GPR157: variants seen among roughly 807,000 people sequenced by gnomAD.
GPR157 encodes G protein-coupled receptor 157.
A neutral mutation model predicts 23.5 loss-of-function variants in GPR157; 16 were observed. The ratio of observed to expected loss-of-function variants is 0.68; its 90% CI spans 0.46 to 1.04. The LOEUF (loss-of-function observed/expected upper bound fraction) is 1.04. Ranked by LOEUF, GPR157 falls within the 50% of genes least tolerant of loss-of-function variation. The pLI is 0.00. For synonymous variants in GPR157, 200 were observed against 221.5 expected (o/e 0.90, Z 0.86); for missense variants, 440 against 460.7 (o/e 0.96, Z 0.41).
In GPR157 at chr1:9,105,446, T is replaced by G; in HGVS notation, c.792+40A>C. 6.7e-7 allele frequency: 1 copy of G among 1,494,072 alleles called. No individual in the cohort carries two copies. The highest frequency in any genetic ancestry group is 9.0e-7 in the Non-Finnish European group (1 of 1,109,854). The allele number at this position is 1,494,072 out of a possible 1,614,324, so 92.6% of individuals were successfully genotyped here. On this transcript the variant is annotated intron_variant, in intron 3 of 3. Transcript: ENST00000377411. This position sits in a 1 kb window ranked among gnomAD's most constrained non-coding sequence, Gnocchi z 4.8. ...GGAAGGAATCAGGCTGTGCCTCCTC[T>G]GGGGGCAGGGACGACAAGGGCCAGG...
At chr1:9,107,426 C>T (rs754114834) in intron 2 of GPR157, among the ~76,000 whole-genome samples, 3 of 151,904 alleles carry the variant, frequency 2.0e-5, no homozygotes, top group Non-Finnish European at 2.9e-5. Context: ...ATCGCTTGAG[C>T]CCAGAAATTT....
intron 1 of GPR157, among the ~76,000 whole-genome samples, chr1:9,119,281 C>T (rs1366989050): frequency 1.3e-5 from 2 of 152,100 alleles, no homozygotes; most frequent in Non-Finnish European, 2.9e-5. Flanking sequence ...GATCCGCCCA[C>T]CTCGGCCTCC....
intron 2 of GPR157, among the ~76,000 whole-genome samples, chr1:9,108,348 C>T (rs141731367): frequency 1.0e-3 from 159 of 152,356 alleles, no homozygotes; most frequent in African/African-American, 3.2e-3. Flanking sequence ...CTGCCCACTT[C>T]GATCCCGTTT....
intron 3 of GPR157, among the ~76,000 whole-genome samples, chr1:9,104,936 G>A (rs1029203940): frequency 6.6e-6 from 1 of 151,232 alleles, no homozygotes; most frequent in African/African-American, 2.4e-5. Context: ...GGAGGCGGAA[G>A]TTGCAGTGAG....
rs768439052 is a variant in GPR157, at chr1:9,123,174, A to AATAT, written c.383+5467_383+5470dup. Among the ~76,000 whole-genome samples, 16 of 117,086 alleles carry AATAT rather than the reference A, an allele frequency of 1.4e-4. No homozygotes were observed. The South Asian group carries it at 1.7e-3, about 13-fold the overall frequency. The allele number at this position is 117,086 out of a possible 152,430, so 76.8% of individuals were successfully genotyped here. On this transcript the variant is annotated intron_variant, in intron 1 of 3. Transcript: ENST00000377411. ...ACTGTCTTGGGTGGGAAAAAAAAAA[A>AATAT]ATATATATATATATATATAAATAAA...
chr1:9,106,116 A>G lies in GPR157; in HGVS notation c.598-436T>C, dbSNP rs541657227. On this transcript the variant is annotated intron_variant, in intron 2 of 3. Coordinates refer to ENST00000377411, the MANE Select transcript of GPR157 (RefSeq NM_024980.5). ...GGGTCTCCCTATGTTGCCCAGGCTG[A>G]TCTCAAACTCTTGAACTCAAGCAAT... 2.1e-4 allele frequency among the ~76,000 whole-genome samples: 32 copies of G among 152,108 alleles called. No homozygotes were observed. In the South Asian group the frequency reaches 2.7e-3, roughly 13 times the overall value.
chr1:9,117,687 G>T (rs745849807), intron 1 of GPR157, among the ~76,000 whole-genome samples: 2 of 152,082 alleles, frequency 1.3e-5, no homozygotes, highest in Non-Finnish European at 2.9e-5. Flanking sequence ...ACTTGAACCC[G>T]GGAGGTGGAG....
At chr1:9,113,501 C>T (rs2124515196) in intron 1 of GPR157, among the ~76,000 whole-genome samples, 1 of 152,252 alleles carries the variant, frequency 6.6e-6, no homozygotes, top group South Asian at 2.1e-4. Flanking sequence ...GGGGCCCTGG[C>T]CAACCATCCC....
At position 9,105,675 on chromosome 1, in the gene GPR157, C is replaced by A; in HGVS notation, c.603G>T (p.Thr201=). ...GGATGGGCCGGTACTCAGAGAGTGCCGTGTGCTGTGTGGGGACAGCGAGGG... is the reference window on the plus strand; with the variant it reads ...GGATGGGCCGGTACTCAGAGAGTGCAGTGTGCTGTGTGGGGACAGCGAGGG... ...LVRKHINRAH[T]ALSEYRPILS... is the part of the protein sequence containing the mutation. The change falls in exon 3 of 4, where the codon ACG becomes ACT. Residue 201 remains threonine (T), a synonymous_variant. Transcript: ENST00000377411. The surrounding 1 kb of genome is among the most constrained non-coding windows in gnomAD (Gnocchi z 4.8). The A allele has an allele frequency of 6.2e-7, 1 of 1,606,946 alleles. No homozygotes were observed. The highest frequency in any genetic ancestry group is 8.5e-7 in the Non-Finnish European group (1 of 1,176,308).
intron 1 of GPR157, among the ~76,000 whole-genome samples, chr1:9,126,176 T>C (rs749510774): frequency 1.3e-5 from 2 of 152,192 alleles, no homozygotes; most frequent in Non-Finnish European, 2.9e-5. Flanking sequence ...CAGGCTGGTC[T>C]CAAACTCCTG....
rs745513284 is a variant in GPR157 at position 9,128,780 on chromosome 1, C to T, written c.248G>A (p.Gly83Asp). The T allele has an allele frequency of 6.2e-7, 1 of 1,611,700 alleles. No individual in the cohort carries two copies. Among genetic ancestry groups the T allele is most frequent in the East Asian group, 2.2e-5 (1 of 44,824 alleles). Residue 83 changes from glycine (G) to aspartate (D), a missense_variant, in exon 1 of 4, where the codon GGC becomes GAC. Physicochemically the swap from Gly to Asp is moderately conservative, Grantham distance 94 (BLOSUM62 -1). Coordinates refer to ENST00000377411, the MANE Select transcript of GPR157 (RefSeq NM_024980.5). The surrounding 1 kb of genome is among the most constrained non-coding windows in gnomAD (Gnocchi z 6.3). ...GGTGTTGGCGAAGGTGGACAGCGCG[C>T]CCTGCAGCACGCAGTCCCACGACGG... ...AGPSWDCVLQ[G>D]ALSTFANTSS... is the part of the protein sequence containing the mutation.
rs1642575362 is a variant in GPR157, at chr1:9,102,242, T to G, written c.*2177A>C. The G allele has an allele frequency of 6.6e-6, 1 of 151,912 alleles. No homozygotes were observed. The highest frequency in any genetic ancestry group is 6.6e-5 in the Admixed American group (1 of 15,252). The allele number at this position is 151,912 out of a possible 1,614,324, so 9.4% of individuals were successfully genotyped here. A position where few individuals can be genotyped will look rare whatever the true frequency, so the allele number is the denominator to read the frequency against. ...CTGGCCAACATGGTGAAAACCCGTCTCTACTGAAAATACAAAAAATTAGCC... is the reference window on the plus strand; with the variant it reads ...CTGGCCAACATGGTGAAAACCCGTCGCTACTGAAAATACAAAAAATTAGCC... On this transcript the variant is annotated 3_prime_UTR_variant, in exon 4 of 4. Transcript: ENST00000377411.
In GPR157 at chr1:9,128,402, T is replaced by C; in HGVS notation, c.383+243A>G. Reference sequence around the variant, plus strand: ...AGGGCCCGGCTCTGGGGGCGAACTCTGTCCCCACTACCCCAAGGGGCTGTG... The same window carrying C: ...AGGGCCCGGCTCTGGGGGCGAACTCCGTCCCCACTACCCCAAGGGGCTGTG... On this transcript the variant is annotated intron_variant, in intron 1 of 3. Transcript: ENST00000377411. This position sits in a 1 kb window ranked among gnomAD's most constrained non-coding sequence, Gnocchi z 6.3. 1 of 694,568 alleles carries C rather than the reference T, an allele frequency of 1.4e-6. No individual in the cohort carries two copies. The highest frequency in any genetic ancestry group is 1.5e-5 in the South Asian group (1 of 66,582). The allele number at this position is 694,568 out of a possible 1,614,324, so 43.0% of individuals were successfully genotyped here.
rs1247461009 is a variant in GPR157 at position 9,102,395 on chromosome 1, A to T, written c.*2024T>A. 7.8e-6 allele frequency: 1 copy of T among 127,740 alleles called. No individual in the cohort carries two copies. Among genetic ancestry groups the T allele is most frequent in the Non-Finnish European group, 1.5e-5 (1 of 64,636 alleles). 7.9% of individuals were successfully genotyped at this position (127,740 alleles called of 1,614,324 possible). A position where few individuals can be genotyped will look rare whatever the true frequency, so the allele number is the denominator to read the frequency against. On this transcript the variant is annotated 3_prime_UTR_variant, in exon 4 of 4. Transcript: ENST00000377411. Reference sequence around the variant, plus strand: ...CACTGCACTCCAGCCTGGGCAATAGAGTGAGACTCCATCTCAAAAAAAAAA... The same window carrying T: ...CACTGCACTCCAGCCTGGGCAATAGTGTGAGACTCCATCTCAAAAAAAAAA...
At chr1:9,104,932 G>A (rs996741264) in intron 3 of GPR157, among the ~76,000 whole-genome samples, 102 of 151,198 alleles carry the variant, frequency 6.7e-4, no homozygotes, top group Non-Finnish European at 1.1e-3. Flanking sequence ...CCCAGGAGGC[G>A]GAAGTTGCAG....
At chr1:9,123,315 AT>A (rs1557700784) in intron 1 of GPR157, among the ~76,000 whole-genome samples, 11 of 27,248 alleles carry the variant, frequency 4.0e-4, no homozygotes, top group Non-Finnish European at 6.7e-4. Flanking sequence ...TTAAATATAT[AT>A]TAAAATATAT....
intron 2 of GPR157, 170 bp downstream of exon 2, chr1:9,111,106 G>A (rs1385730421): frequency 1.0e-5 from 7 of 677,962 alleles, no homozygotes; most frequent in African/African-American, 1.8e-5. Context: ...GTAACACAGC[G>A]TGTTGCATGG....
rs774406982 is a variant in GPR157, at chr1:9,105,469, A to G, written c.792+17T>C. The G allele has an allele frequency of 1.3e-6, 2 of 1,536,462 alleles. No homozygotes were observed. The highest frequency in any genetic ancestry group is 1.8e-6 in the Non-Finnish European group (2 of 1,136,356). On this transcript the variant is annotated intron_variant, in intron 3 of 3. Coordinates refer to ENST00000377411, the MANE Select transcript of GPR157 (RefSeq NM_024980.5). The surrounding 1 kb of genome is among the most constrained non-coding windows in gnomAD (Gnocchi z 4.8). Reference sequence around the variant, plus strand: ...TCTGGGGGCAGGGACGACAAGGGCCAGGGAGGGCAGACCTACATGCAGAAC... The same window carrying G: ...TCTGGGGGCAGGGACGACAAGGGCCGGGGAGGGCAGACCTACATGCAGAAC...
At chr1:9,109,783 A>AT (rs1166115356) in intron 2 of GPR157, among the ~76,000 whole-genome samples, 1 of 152,216 alleles carries the variant, frequency 6.6e-6, no homozygotes, top group Non-Finnish European at 1.5e-5. Flanking sequence ...AGGGCGGGTG[A>AT]GAACTGGTTA....
Sources: allele counts gnomAD v4.1 joint callset (sites outside exome capture counted in the v4.1 genomes callset), GRCh38; gene constraint gnomAD v4.1.1; non-coding constraint Gnocchi (gnomAD v3.1); transcripts MANE v1.5; gene names NCBI Gene and HGNC (gene_info 2026-07-23, HGNC 2026-07-21).